The following STXBP4 variants were observed in gnomAD, a reference collection of about 807,000 sequenced individuals.
The protein encoded by STXBP4 is syntaxin-binding protein 4.
STXBP4 carries 55 observed loss-of-function variants against 76.1 expected under a neutral mutation model. The ratio of observed to expected loss-of-function variants is 0.72; its 90% confidence interval spans 0.58 to 0.91. The LOEUF (loss-of-function observed/expected upper bound fraction) is 0.91. Ranked by LOEUF, STXBP4 falls within the 40% of genes least tolerant of loss-of-function variation. The pLI is 0.00. For missense variants in STXBP4, 618 were observed against 636.9 expected (o/e 0.97, Z 0.32); for synonymous variants, 201 against 220.2 (o/e 0.91, Z 0.77).
chr17:55,201,899 C>G, the STXBP4 span, among the ~76,000 whole-genome samples: 1 of 152,228 alleles, frequency 6.6e-6, no homozygotes, highest in African/African-American at 2.4e-5. Flanking sequence ...AAACATACTT[C>G]ATAATGTTAA....
intron 8 of STXBP4, among the ~76,000 whole-genome samples, chr17:55,010,132 A>ACGCTTGTAATCCCAGCACTTTGGG (rs2078082411): frequency 6.6e-6 from 1 of 152,038 alleles, no homozygotes; most frequent in Non-Finnish European, 1.5e-5. Context: ...AAAATTTCAC[A>ACGCTTGTAATCCCAGCACTTTGGG]AGGAAAGGAT....
chr17:55,144,572 A>G (rs748324882), intron 17 of STXBP4, among the ~76,000 whole-genome samples: 5 of 152,132 alleles, frequency 3.3e-5, no homozygotes, highest in Non-Finnish European at 5.9e-5. Context: ...CCTCATGACC[A>G]TTCTCTTTGC....
chr17:54,989,200 C>T (rs997118289), intron 3 of STXBP4, among the ~76,000 whole-genome samples: 3 of 152,172 alleles, frequency 2.0e-5, no homozygotes, highest in African/African-American at 4.8e-5. Context: ...CTCTGCCTCC[C>T]GGGTTCACGC....
rs552088115 is a variant in STXBP4, at chr17:54,993,810, A to G, written c.180+2853A>G. On this transcript the variant is annotated intron_variant, in intron 4 of 17. Coordinates refer to ENST00000376352, the MANE Select transcript of STXBP4 (RefSeq NM_178509.6). Reference sequence around the variant, plus strand: ...TAACTTTCTGTAATTTTGTTTTAACATTATAATGTTTCATAATTAACAGTA... The same window carrying G: ...TAACTTTCTGTAATTTTGTTTTAACGTTATAATGTTTCATAATTAACAGTA... 2.6e-5 allele frequency among the ~76,000 whole-genome samples: 4 copies of G among 152,324 alleles called. No homozygotes were observed. The South Asian group carries it at 8.3e-4, about 32-fold the overall frequency.
chr17:55,085,358 T>TAA lies in STXBP4; in HGVS notation c.1489+4183_1489+4184dup, dbSNP rs35797228. ...ATGTACCCTAAAACTTAAAGTATAA[T>TAA]AAAAAAAAAGTGATACATTAGTATA... On this transcript the variant is annotated intron_variant, in intron 16 of 17. Transcript: ENST00000376352. Among the ~76,000 whole-genome samples, 8 of 151,026 alleles carry TAA rather than the reference T, an allele frequency of 5.3e-5. No homozygotes were observed. The South Asian group carries it at 8.4e-4, about 16-fold the overall frequency.
rs2080374617 is a variant in STXBP4 at position 55,165,742 on chromosome 17, T to C, written c.*5831T>C. ...AGAGGTACGGCTCTGAGGAGGTGAT[T>C]AGGTCATGAGGCTCCATCCTGGTGA... is the stretch of plus-strand genomic sequence containing the variant. On this transcript the variant is annotated 3_prime_UTR_variant, in exon 18 of 18. Coordinates refer to ENST00000376352, the MANE Select transcript of STXBP4 (RefSeq NM_178509.6). The C allele has an allele frequency of 6.6e-6, 1 of 152,206 alleles. No individual in the cohort carries two copies. Among genetic ancestry groups the C allele is most frequent in the Non-Finnish European group, 1.5e-5 (1 of 68,060 alleles). 9.4% of individuals were successfully genotyped at this position (152,206 alleles called of 1,614,324 possible).
chr17:54,969,360 G>C (rs114988958), intron 1 of STXBP4, among the ~76,000 whole-genome samples: 1 of 152,194 alleles, frequency 6.6e-6, no homozygotes, highest in East Asian at 1.9e-4. Context: ...CGAACTCGAG[G>C]GGGGCAGACA....
intron 17 of STXBP4, among the ~76,000 whole-genome samples, chr17:55,143,673 G>A (rs1248274758): frequency 6.6e-6 from 1 of 152,160 alleles, no homozygotes; most frequent in African/African-American, 2.4e-5. Context: ...CCCTTTGGCT[G>A]CCCTGGGAAC....
the STXBP4 span, among the ~76,000 whole-genome samples, chr17:55,204,088 A>G: frequency 2.6e-5 from 4 of 151,744 alleles, no homozygotes; most frequent in African/African-American, 4.8e-5. Context: ...AGCTGTATAT[A>G]TGACCTTTTC....
chr17:55,207,503 G>T, the STXBP4 span, among the ~76,000 whole-genome samples: 2 of 152,168 alleles, frequency 1.3e-5, no homozygotes, highest in African/African-American at 4.8e-5. Context: ...AACAGAGGAG[G>T]AGAGAAAAGC....
At chr17:55,026,943 C>G (rs1189491095) in intron 8 of STXBP4, among the ~76,000 whole-genome samples, 1 of 152,082 alleles carries the variant, frequency 6.6e-6, no homozygotes, top group Non-Finnish European at 1.5e-5. Flanking sequence ...GCCTAGGGTT[C>G]CCATCTCTAT....
intron 16 of STXBP4, among the ~76,000 whole-genome samples, chr17:55,086,274 A>T (rs771976176): frequency 3.9e-5 from 6 of 152,148 alleles, no homozygotes; most frequent in Non-Finnish European, 7.4e-5. Context: ...TTCAATTGAC[A>T]AGTAATAATT....
chr17:54,999,031 AGCCCC>A (rs2077862388), intron 4 of STXBP4, among the ~76,000 whole-genome samples: 1 of 152,100 alleles, frequency 6.6e-6, no homozygotes, highest in African/African-American at 2.4e-5. Flanking sequence ...GAGCTTTATC[AGCCCC>A]ATAGTGCTCA....
downstream of STXBP4, among the ~76,000 whole-genome samples, chr17:55,176,404 A>G (rs2080431006): frequency 6.6e-6 from 1 of 152,202 alleles, no homozygotes. Context: ...GGGTGATGAG[A>G]CAGAGTGATG....
At chr17:55,009,086 G>A (rs1163915212) in intron 8 of STXBP4, among the ~76,000 whole-genome samples, 1 of 151,998 alleles carries the variant, frequency 6.6e-6, no homozygotes, top group Non-Finnish European at 1.5e-5. Flanking sequence ...TGTCTTCACC[G>A]CAGACCCTGT....
chr17:55,030,280 C>A (rs1333582732), intron 8 of STXBP4, among the ~76,000 whole-genome samples: 1 of 152,146 alleles, frequency 6.6e-6, no homozygotes, highest in Admixed American at 6.6e-5. Context: ...AAGAACTGCT[C>A]AAATTCCATC....
intron 12 of STXBP4, among the ~76,000 whole-genome samples, chr17:55,049,268 A>G (rs893486740): frequency 1.3e-5 from 2 of 151,940 alleles, no homozygotes; most frequent in African/African-American, 4.8e-5. Context: ...GTTTTATCCA[A>G]CTAAAAAATG....
At chr17:55,178,257 C>A (rs1196801041), downstream of STXBP4, among the ~76,000 whole-genome samples, 1 of 152,214 alleles carries the variant, frequency 6.6e-6, no homozygotes, top group Non-Finnish European at 1.5e-5. Context: ...GTACTTTACA[C>A]CTATCATCTC....
chr17:55,077,039 A>G lies in STXBP4; in HGVS notation c.1189-1039A>G, dbSNP rs545701565. ...TAGTTTCTTGTGTATTATACTTTCA[A>G]TTCCCTCTTATTTTTAAAAACATAT... On this transcript the variant is annotated intron_variant, in intron 13 of 17. Transcript: ENST00000376352. Among the ~76,000 whole-genome samples, 12 of 152,266 alleles carry G rather than the reference A, an allele frequency of 7.9e-5. 1 individual carries two copies. In the South Asian group the frequency reaches 2.5e-3, roughly 32 times the overall value.
Sources: allele counts gnomAD v4.1 joint callset (sites outside exome capture counted in the v4.1 genomes callset), GRCh38; gene constraint gnomAD v4.1.1; transcripts MANE v1.5; gene names NCBI Gene and HGNC (gene_info 2026-07-23, HGNC 2026-07-21).